The following ELF1 variants were observed in gnomAD, a reference collection of about 807,000 sequenced individuals.
The protein encoded by ELF1 is ETS-related transcription factor Elf-1.
A neutral mutation model predicts 59.9 loss-of-function variants in ELF1; 24 were observed. That is an observed-to-expected ratio of 0.40 (90% CI 0.29 to 0.56). The LOEUF is 0.56. ELF1 is among the 20% of genes least tolerant of loss of function. The pLI is 0.44. For missense variants in ELF1, 627 were observed against 742.2 expected (o/e 0.84, Z 1.80); for synonymous variants, 248 against 266.2 (o/e 0.93, Z 0.67).
At chr13:41,014,969 T>TG (rs1875272311) in intron 1 of ELF1, among the ~76,000 whole-genome samples, 1 of 152,126 alleles carries the variant, frequency 6.6e-6, no homozygotes, top group Admixed American at 6.6e-5. Flanking sequence ...TACATACTAT[T>TG]GTGCTAGTCT....
intron 1 of ELF1, among the ~76,000 whole-genome samples, chr13:41,012,959 A>G (rs1457146319): frequency 1.3e-5 from 2 of 152,202 alleles, no homozygotes; most frequent in Non-Finnish European, 2.9e-5. Flanking sequence ...ATAATTGGGA[A>G]CATGTATTTA....
chr13:41,032,717 G>T (rs1301858191), intron 1 of ELF1, among the ~76,000 whole-genome samples: 1 of 151,922 alleles, frequency 6.6e-6, no homozygotes, highest in Non-Finnish European at 1.5e-5. Context: ...TGGTATGGTG[G>T]TGCAAGCCTG....
At chr13:41,035,844 A>C (rs112060885) in intron 1 of ELF1, among the ~76,000 whole-genome samples, 40,395 of 148,606 alleles carry the variant, frequency 0.27, 5,995 homozygotes, top group South Asian at 0.42. Context: ...GTTAAAAAAA[A>C]AACAACAACA....
intron 1 of ELF1, among the ~76,000 whole-genome samples, chr13:41,003,817 G>A (rs959119063): frequency 2.0e-5 from 3 of 152,094 alleles, no homozygotes; most frequent in Non-Finnish European, 4.4e-5. Context: ...GGACCAATAT[G>A]TTATCTCCAC....
chr13:41,044,044 T>C (rs1181887356), intron 1 of ELF1, among the ~76,000 whole-genome samples: 1 of 152,214 alleles, frequency 6.6e-6, no homozygotes, highest in Non-Finnish European at 1.5e-5. Flanking sequence ...AGGTATTTTA[T>C]TCTCTTTGAA....
chr13:41,016,704 C>T (rs1875383161), intron 1 of ELF1, among the ~76,000 whole-genome samples: 2 of 151,318 alleles, frequency 1.3e-5, no homozygotes, highest in Admixed American at 6.6e-5. Context: ...CACCCAAGGT[C>T]GGGAGTTCAG....
intron 1 of ELF1, among the ~76,000 whole-genome samples, chr13:41,058,532 T>C (rs1656049257): frequency 6.6e-6 from 1 of 152,238 alleles, no homozygotes; most frequent in Non-Finnish European, 1.5e-5. Context: ...GAAAGATAAA[T>C]CTGTGTTTTA....
chr13:40,955,947 G>GT (rs1270869645), intron 3 of ELF1, among the ~76,000 whole-genome samples: 15,165 of 116,416 alleles, frequency 0.13, 1,898 homozygotes, highest in African/African-American at 0.18. Context: ...CGGGAGGGAG[G>GT]CGGGGGGGTC....
At chr13:40,956,571 CAAAA>C (rs34245662) in intron 3 of ELF1, among the ~76,000 whole-genome samples, 4 of 76,146 alleles carry the variant, frequency 5.3e-5, no homozygotes, top group South Asian at 4.4e-4. Flanking sequence ...CAAGAATGAT[CAAAA>C]AAAAAAAAAA....
At chr13:40,963,887 C>G (rs928909278) in intron 2 of ELF1, among the ~76,000 whole-genome samples, 3 of 151,134 alleles carry the variant, frequency 2.0e-5, no homozygotes, top group Non-Finnish European at 2.9e-5. Context: ...ACTTGGGTGA[C>G]GGAGCAAGAC....
At chr13:40,937,151 T>A (rs1869838177) in intron 8 of ELF1, among the ~76,000 whole-genome samples, 1 of 152,248 alleles carries the variant, frequency 6.6e-6, no homozygotes, top group East Asian at 1.9e-4. Flanking sequence ...TCTTAGTTAA[T>A]GATTAAACTG....
At chr13:40,963,119 T>C (rs759115914) in intron 2 of ELF1, among the ~76,000 whole-genome samples, 15 of 152,204 alleles carry the variant, frequency 9.9e-5, no homozygotes, top group Non-Finnish European at 1.6e-4. Flanking sequence ...CACTGGACTA[T>C]CCATTTTACA....
At chr13:40,934,416 CTTTTTTTTTTTT>C (rs10692930) in intron 8 of ELF1, among the ~76,000 whole-genome samples, 22,084 of 102,822 alleles carry the variant, frequency 0.21, 2,108 homozygotes, top group East Asian at 0.43. Context: ...TTCATTCCTG[CTTTTTTTTTTTT>C]TTTTTTTTTT....
intron 1 of ELF1, among the ~76,000 whole-genome samples, chr13:41,049,645 T>C (rs1389000467): frequency 6.6e-6 from 1 of 152,134 alleles, no homozygotes; most frequent in Non-Finnish European, 1.5e-5. Flanking sequence ...AAAATGCTAC[T>C]CCCTCAATCT....
chr13:40,933,517 G>A lies in ELF1; in HGVS notation c.1768C>T (p.Gln590Ter), dbSNP rs745649341. The part of the protein sequence containing the change: ...ENTEKTEQQP[Q>*]PYVMVVSSSN... ...CTGGACACTACCATCACATAAGGCT[G>A]TGGCTGCTGCTCCGTTTTCTCAGTG... is the stretch of plus-strand genomic sequence containing the variant. The change falls in exon 9 of 9, where the codon CAG becomes TAG. Residue 590 changes from glutamine (Q) to a stop codon, truncating the protein, a stop_gained. Coordinates refer to ENST00000239882, the MANE Select transcript of ELF1 (RefSeq NM_172373.4). LOFTEE classifies it high-confidence loss of function. The A allele has an allele frequency of 6.2e-7, 1 of 1,614,254 alleles. No individual in the cohort carries two copies. Among genetic ancestry groups the A allele is most frequent in the Non-Finnish European group, 8.5e-7 (1 of 1,180,050 alleles).
intron 2 of ELF1, 34 bp downstream of exon 2, chr13:40,981,948 AG>A (rs1375608241): frequency 1.3e-6 from 2 of 1,593,510 alleles, no homozygotes; most frequent in South Asian, 2.3e-5. Context: ...ATCATAATAA[AG>A]TCATTAAAAT....
chr13:40,979,863 A>T (rs1017708111), intron 2 of ELF1, among the ~76,000 whole-genome samples: 16 of 152,034 alleles, frequency 1.1e-4, no homozygotes, highest in African/African-American at 3.9e-4. Context: ...GTGAAGAGAG[A>T]TTTTTCACTA....
intron 1 of ELF1, among the ~76,000 whole-genome samples, chr13:41,012,333 AAAAG>A (rs1382449973): frequency 1.3e-5 from 2 of 150,562 alleles, no homozygotes; most frequent in African/African-American, 4.9e-5. Context: ...AAAAAAAAAA[AAAAG>A]AGTATTATGA....
At chr13:41,047,242 A>AC (rs1876885755) in intron 1 of ELF1, among the ~76,000 whole-genome samples, 1 of 152,164 alleles carries the variant, frequency 6.6e-6, no homozygotes, top group Non-Finnish European at 1.5e-5. Context: ...TTTAGCTCAG[A>AC]GAAGTTTGAT....
Sources: gnomAD v4.1 joint callset for allele counts (sites outside exome capture counted in the v4.1 genomes callset) on GRCh38, gnomAD v4.1.1 for gene constraint, MANE v1.5 for transcripts, NCBI Gene and HGNC (gene_info 2026-07-23, HGNC 2026-07-21) for gene names.